DHX30: variants seen among roughly 807,000 people sequenced by gnomAD.
DHX30 encodes the protein DExH-box helicase 30.
A neutral mutation model predicts 116.9 loss-of-function variants in DHX30; 4 were observed. The observed-to-expected ratio is 0.03, with a 90% CI of 0.02 to 0.08. The LOEUF (loss-of-function observed/expected upper bound fraction) is 0.08, where lower values mean the gene tolerates loss of function less well. Among genes scored for constraint, DHX30 ranks in the 10% least tolerant of loss-of-function variants. The pLI is 1.00. For missense variants in DHX30, 871 were observed against 1,595.1 expected (o/e 0.55, Z 7.73); for synonymous variants, 697 against 651.7 (o/e 1.07, Z -1.06).
intron 4 of DHX30, among the ~76,000 whole-genome samples, chr3:47,822,961 C>T (rs1339156331): frequency 8.6e-5 from 13 of 151,642 alleles, no homozygotes; most frequent in Non-Finnish European, 1.5e-4. Flanking sequence ...GGTGTGGTGG[C>T]GGGCACCTGT....
In DHX30 at chr3:47,831,838, GAAAA is replaced by G. The variant is rs199650346; in HGVS notation, c.366+2709_366+2712del. Among the ~76,000 whole-genome samples the G allele has an allele frequency of 9.5e-5, 14 of 146,888 alleles. No individual in the cohort carries two copies. In the East Asian group the frequency reaches 2.8e-3, roughly 30 times the overall value. ...TGTGTATTTTACTCAATTTAAAACAGAAAAAAAAGGCTTTAGTGGACCACTCTAA... is the reference window on the plus strand; with the variant it reads ...TGTGTATTTTACTCAATTTAAAACAGAAAAGGCTTTAGTGGACCACTCTAA... On this transcript the variant is annotated intron_variant, in intron 6 of 21. Transcript: ENST00000445061.
At chr3:47,833,558 A>AAG (rs58234712) in intron 6 of DHX30, among the ~76,000 whole-genome samples, 1 of 148,632 alleles carries the variant, frequency 6.7e-6, no homozygotes, top group African/African-American at 2.5e-5. Context: ...AAAAAAAAAA[A>AAG]GAAAGAGCAC....
At chr3:47,816,119 G>C (rs1304886296) in intron 3 of DHX30, 2 of 984,314 alleles carry the variant, frequency 2.0e-6, no homozygotes, top group South Asian at 4.7e-5. Flanking sequence ...CACGTCTGCT[G>C]TAACTCTATG....
chr3:47,836,433 C>T (rs1289526792), intron 6 of DHX30, among the ~76,000 whole-genome samples: 2 of 152,114 alleles, frequency 1.3e-5, no homozygotes, highest in Non-Finnish European at 1.5e-5. Context: ...CTACTGTGCC[C>T]GGCCATCCCA....
Position 47,846,763 on chromosome 3 carries a change from G to A in DHX30, c.1691G>A (p.Arg564Gln). Residue 564 changes from arginine to glutamine, a missense_variant, in exon 11 of 22, where the codon CGG (arginine) becomes CAG (glutamine). This residue lies in a region of DHX30 where 63 missense variants were observed against 180.6 expected (regional missense o/e 0.35). Transcript: ENST00000445061. ...GTCATCGTGGATGAGGTGCATGAGC[G>A]GGACGTGAACACAGACTTTCTGCTG... ...SHVIVDEVHE[R>Q]DVNTDFLLIL... The A allele has an allele frequency of 6.2e-7, 1 of 1,613,976 alleles. No individual in the cohort carries two copies. The highest frequency in any genetic ancestry group is 8.5e-7 in the Non-Finnish European group (1 of 1,180,018).
At chr3:47,815,723 C>CAAAAAAAAAAAAAAAAAA (rs11349970) in intron 3 of DHX30, among the ~76,000 whole-genome samples, 46 of 20,760 alleles carry the variant, frequency 2.2e-3, no homozygotes, top group South Asian at 3.0e-3. Context: ...TAAAAAAGAG[C>CAAAAAAAAAAAAAAAAAA]AAAAAAAAAA....
At chr3:47,833,292 A>C (rs1353827557) in intron 6 of DHX30, among the ~76,000 whole-genome samples, 2 of 152,024 alleles carry the variant, frequency 1.3e-5, no homozygotes, top group African/African-American at 4.8e-5. Flanking sequence ...TGAGAGGCTG[A>C]AGTAGGCGGA....
intron 3 of DHX30, among the ~76,000 whole-genome samples, chr3:47,814,429 C>CAAAA (rs71625837): frequency 1.2e-4 from 11 of 92,618 alleles, no homozygotes; most frequent in Admixed American, 2.9e-4. Flanking sequence ...TGTCTCAAAA[C>CAAAA]AAAAAAAAAA....
At chr3:47,842,957 A>G in intron 8 of DHX30, 149 bp from the exon 9 acceptor site, 1 of 982,774 alleles carries the variant, frequency 1.0e-6, no homozygotes, top group Middle Eastern at 2.5e-4. Context: ...GCTCCTGGCT[A>G]TGCAGCAGCA....
At chr3:47,836,448 G>A in intron 6 of DHX30, among the ~76,000 whole-genome samples, 1 of 151,894 alleles carries the variant, frequency 6.6e-6, no homozygotes, top group East Asian at 1.9e-4. Context: ...ATCCCAGCCT[G>A]TCTGAAGCAG....
Position 47,849,364 on chromosome 3 carries a change from A to C in DHX30, c.3087+15A>C. Reference sequence around the variant, plus strand: ...ACCTCATCCAGGTGCTGCCTCTGGGAGGGAATGGAGTTCACCAGGTCCCAG... The same window carrying C: ...ACCTCATCCAGGTGCTGCCTCTGGGCGGGAATGGAGTTCACCAGGTCCCAG... On this transcript the variant is annotated intron_variant, in intron 19 of 21. Transcript: ENST00000445061. The C allele has an allele frequency of 6.2e-7, 1 of 1,605,812 alleles. No individual in the cohort carries two copies.
At position 47,827,490 on chromosome 3, in the gene DHX30, G is replaced by A; in HGVS notation, c.255+13G>A. The A allele has an allele frequency of 1.2e-6, 2 of 1,605,490 alleles. No homozygotes were observed. Among genetic ancestry groups the A allele is most frequent in the Non-Finnish European group, 1.7e-6 (2 of 1,177,068 alleles). Reference sequence around the variant, plus strand: ...ACCGAAGAAAAAGGTAACTCTGCTGGTGGCAAGGAAAAACATTGGTATGAC... The same window carrying A: ...ACCGAAGAAAAAGGTAACTCTGCTGATGGCAAGGAAAAACATTGGTATGAC... On this transcript the variant is annotated intron_variant, in intron 5 of 21. Coordinates refer to ENST00000445061, the MANE Select transcript of DHX30 (RefSeq NM_138615.3).
chr3:47,842,072 A>AAT (rs2037399935), intron 8 of DHX30: 3 of 249,976 alleles, frequency 1.2e-5, no homozygotes, highest in Non-Finnish European at 2.3e-5. Flanking sequence ...TTGGTCATGA[A>AAT]ATGCCTAACC....
In DHX30 at chr3:47,807,833, C is replaced by T. The variant is rs1016833616; in HGVS notation, c.-28+2413C>T. ...CTGGTCTTGAACTCCTGGCCTCAAG[C>T]GATCCTTCACCTGGGCGTCCCAAAG... On this transcript the variant is annotated intron_variant, in intron 2 of 21. Coordinates refer to ENST00000445061, the MANE Select transcript of DHX30 (RefSeq NM_138615.3). 6.6e-5 allele frequency among the ~76,000 whole-genome samples: 10 copies of T among 151,290 alleles called. No individual in the cohort carries two copies. In the East Asian group the frequency reaches 7.8e-4, roughly 12 times the overall value.
intron 3 of DHX30, among the ~76,000 whole-genome samples, chr3:47,811,900 C>T (rs2035804909): frequency 6.6e-6 from 1 of 151,920 alleles, no homozygotes; most frequent in Non-Finnish European, 1.5e-5. Flanking sequence ...CCCATCTCTA[C>T]TAAAATACAA....
chr3:47,807,703 CAAAAAAAAAAAAAA>C (rs1202083372), intron 2 of DHX30, among the ~76,000 whole-genome samples: 5 of 32,732 alleles, frequency 1.5e-4, no homozygotes, highest in African/African-American at 3.9e-4. Flanking sequence ...GACTCTGTCT[CAAAAAAAAAAAAAA>C]AAAAAAAAAA....
chr3:47,827,606 G>A (rs943316564), intron 5 of DHX30, 129 bp downstream of exon 5: 119 of 1,276,022 alleles, frequency 9.3e-5, no homozygotes, highest in Non-Finnish European at 1.2e-4. Flanking sequence ...GGTCAGCAGA[G>A]ACTCAGAGCA....
chr3:47,824,552 A>G (rs1445702342), intron 4 of DHX30, among the ~76,000 whole-genome samples: 1 of 152,112 alleles, frequency 6.6e-6, no homozygotes, highest in Admixed American at 6.5e-5. Flanking sequence ...TCAACCTCCC[A>G]AAGTGTTGGG....
rs746697555 is a variant in DHX30 at position 47,846,860 on chromosome 3, T to C, written c.1788T>C (p.Asn596=). 1.2e-6 allele frequency: 2 copies of C among 1,612,648 alleles called. No individual in the cohort carries two copies. Among genetic ancestry groups the C allele is most frequent in the Admixed American group, 1.7e-5 (1 of 59,928 alleles). ...TGCTCATGAGTGCCACAGGGGACAA[T>C]GAGCGCTTCTCCCGATACTTTGGTG... The part of the protein sequence containing the change: ...RLVLMSATGD[N]ERFSRYFGGC... The change falls in exon 11 of 22, where the codon AAT becomes AAC. Residue 596 remains asparagine, a synonymous_variant. Transcript: ENST00000445061.
Sources: allele counts gnomAD v4.1 joint callset (sites outside exome capture counted in the v4.1 genomes callset), GRCh38; gene constraint gnomAD v4.1.1; regional missense constraint gnomAD v4.1.1; transcripts MANE v1.5; gene names NCBI Gene and HGNC (gene_info 2026-07-23, HGNC 2026-07-21).